ZNF438: variants seen among roughly 807,000 people sequenced by gnomAD.
ZNF438 encodes zinc finger protein 438.
ZNF438 carries 25 observed loss-of-function variants against 38.0 expected under a neutral mutation model. That is an observed-to-expected ratio of 0.66 (90% CI 0.48 to 0.92). The LOEUF (loss-of-function observed/expected upper bound fraction) is 0.92, where lower values mean the gene tolerates loss of function less well. ZNF438 is among the 40% of genes least tolerant of loss of function. The pLI is 0.00. For missense variants in ZNF438, 1,007 were observed against 999.6 expected, an observed-to-expected ratio of 1.01 and a Z score of -0.10; for synonymous variants, 372 against 364.1, an observed-to-expected ratio of 1.02 and a Z score of -0.25.
intron 2 of ZNF438, among the ~76,000 whole-genome samples, chr10:30,937,268 G>A (rs1244165879): frequency 6.6e-6 from 1 of 152,106 alleles, no homozygotes; most frequent in Non-Finnish European, 1.5e-5. Flanking sequence ...GCATGCTTGG[G>A]TCTAACATCA....
At chr10:30,871,225 T>C (rs1457819599) in intron 4 of ZNF438, among the ~76,000 whole-genome samples, 6 of 152,136 alleles carry the variant, frequency 3.9e-5, no homozygotes, top group Admixed American at 3.9e-4. Flanking sequence ...TTTTCCCCCC[T>C]TTGCTTCTTT....
Position 30,931,493 on chromosome 10 carries a change from CT to C in ZNF438, c.-115+10081del, listed in dbSNP as rs35518020. On this transcript the variant is annotated intron_variant, in intron 2 of 5. Transcript: ENST00000413025. Reference sequence around the variant, plus strand: ...TAATACTTGAACAACAGAAATAACACTTTTTTTTGCCCCAAATTAAATACCC... The same window carrying C: ...TAATACTTGAACAACAGAAATAACACTTTTTTTGCCCCAAATTAAATACCC... 3.9e-5 allele frequency among the ~76,000 whole-genome samples: 6 copies of C among 152,086 alleles called. No homozygotes were observed. In the East Asian group the frequency reaches 5.8e-4, roughly 15 times the overall value.
intron 1 of ZNF438, among the ~76,000 whole-genome samples, chr10:30,978,921 C>T (rs2051761655): frequency 6.6e-6 from 1 of 152,190 alleles, no homozygotes; most frequent in South Asian, 2.1e-4. Context: ...CCCTCTCTAG[C>T]TATGAAAGTC....
intron 1 of ZNF438, among the ~76,000 whole-genome samples, chr10:30,969,375 A>C (rs1245547976): frequency 6.6e-6 from 1 of 152,222 alleles, no homozygotes; most frequent in Non-Finnish European, 1.5e-5. Flanking sequence ...ACAGTAAATG[A>C]GATTAAACTG....
chr10:30,918,860 C>T (rs571816000), intron 2 of ZNF438, among the ~76,000 whole-genome samples: 7 of 152,222 alleles, frequency 4.6e-5, no homozygotes, highest in Non-Finnish European at 1.0e-4. Flanking sequence ...GCAGTTGCAT[C>T]GATCTTTTAG....
At chr10:30,897,958 C>T (rs1232583540) in intron 3 of ZNF438, among the ~76,000 whole-genome samples, 2 of 152,108 alleles carry the variant, frequency 1.3e-5, no homozygotes, top group Non-Finnish European at 2.9e-5. Flanking sequence ...AAATCTGTTA[C>T]CATTTTGGTA....
intron 1 of ZNF438, among the ~76,000 whole-genome samples, chr10:30,972,222 G>C (rs529101389): frequency 6.6e-6 from 1 of 152,206 alleles, no homozygotes; most frequent in East Asian, 1.9e-4. Context: ...ACCTGCCTCG[G>C]CCTCCCAAAG....
intron 2 of ZNF438, among the ~76,000 whole-genome samples, chr10:30,935,527 A>G (rs1355430428): frequency 6.6e-6 from 1 of 152,182 alleles, no homozygotes; most frequent in Non-Finnish European, 1.5e-5. Flanking sequence ...CAAGACATTC[A>G]TGAGGGATCT....
chr10:30,851,006 T>A (rs1024395332), intron 4 of ZNF438, among the ~76,000 whole-genome samples: 1 of 152,240 alleles, frequency 6.6e-6, no homozygotes, highest in Non-Finnish European at 1.5e-5. Context: ...TGTTTCCCCA[T>A]GTGACTTACG....
chr10:30,954,926 G>A (rs942921751), intron 1 of ZNF438, among the ~76,000 whole-genome samples: 4 of 152,142 alleles, frequency 2.6e-5, no homozygotes, highest in Admixed American at 2.0e-4. Context: ...AATTGAGAGA[G>A]CAAAACCTCG....
At chr10:30,993,230 A>G (rs2053686617) in intron 1 of ZNF438, among the ~76,000 whole-genome samples, 1 of 152,182 alleles carries the variant, frequency 6.6e-6, no homozygotes, top group African/African-American at 2.4e-5. Flanking sequence ...AAGACTCCAA[A>G]AGGCATTTCA....
intron 1 of ZNF438, among the ~76,000 whole-genome samples, chr10:30,978,653 A>G (rs1324897946): frequency 6.6e-6 from 1 of 152,148 alleles, no homozygotes; most frequent in Non-Finnish European, 1.5e-5. Flanking sequence ...CAACTTGTCC[A>G]CTGTTTGTCA....
chr10:31,008,486 C>T (rs567487469), intron 1 of ZNF438, among the ~76,000 whole-genome samples: 1 of 152,274 alleles, frequency 6.6e-6, no homozygotes, highest in South Asian at 2.1e-4. Context: ...ACTTTCTGTC[C>T]CTATGGATTG....
chr10:30,994,413 A>G (rs1480735764), intron 1 of ZNF438, among the ~76,000 whole-genome samples: 1 of 152,220 alleles, frequency 6.6e-6, no homozygotes, highest in Admixed American at 6.5e-5. Flanking sequence ...TAGATTAATA[A>G]GTTACTGGAT....
chr10:30,966,398 T>C (rs2050117621), intron 1 of ZNF438, among the ~76,000 whole-genome samples: 2 of 151,798 alleles, frequency 1.3e-5, no homozygotes, highest in South Asian at 4.2e-4. Flanking sequence ...GGGCCGGGCG[T>C]GGTGGCTCAT....
intron 1 of ZNF438, among the ~76,000 whole-genome samples, chr10:31,020,682 T>A (rs2056529439): frequency 6.7e-6 from 1 of 148,272 alleles, no homozygotes; most frequent in Admixed American, 6.8e-5. Flanking sequence ...TTATAAAGTT[T>A]AACTGTTAAA....
At chr10:30,898,075 T>C (rs983873786) in intron 3 of ZNF438, among the ~76,000 whole-genome samples, 4 of 152,144 alleles carry the variant, frequency 2.6e-5, no homozygotes, top group Non-Finnish European at 5.9e-5. Flanking sequence ...AATGATTAGT[T>C]TGGGGGGTTA....
intron 1 of ZNF438, among the ~76,000 whole-genome samples, chr10:30,981,229 A>C (rs1354490951): frequency 6.6e-6 from 1 of 152,200 alleles, no homozygotes; most frequent in African/African-American, 2.4e-5. Flanking sequence ...CTGCAGAATG[A>C]GCCAGAGTAA....
chr10:30,918,021 A>G (rs1445269072), intron 2 of ZNF438, among the ~76,000 whole-genome samples: 1 of 152,088 alleles, frequency 6.6e-6, no homozygotes, highest in Admixed American at 6.6e-5. Flanking sequence ...TTGCTTGTGG[A>G]TATCTAGTTG....
Sources: allele counts gnomAD v4.1 joint callset (sites outside exome capture counted in the v4.1 genomes callset), GRCh38; gene constraint gnomAD v4.1.1; transcripts MANE v1.5; gene names NCBI Gene and HGNC (gene_info 2026-07-23, HGNC 2026-07-21).